The following PRIM2 variants were observed in gnomAD, a reference collection of about 807,000 sequenced individuals.
The protein encoded by PRIM2 is DNA primase large subunit.
Under a neutral mutation model 67.3 loss-of-function variants are expected in PRIM2, and 39 were observed. That is an observed-to-expected ratio of 0.58 (90% CI 0.45 to 0.76). The LOEUF is 0.76. PRIM2 is among the 30% of genes least tolerant of loss of function. PRIM2 has a pLI of 0.00. For missense variants in PRIM2, 398 were observed against 598.7 expected, an observed-to-expected ratio of 0.66 and a Z score of 3.50; for synonymous variants, 143 against 198.7, an observed-to-expected ratio of 0.72 and a Z score of 2.36.
chr6:57,589,391 A>C (rs1226158953), intron 10 of PRIM2, among the ~76,000 whole-genome samples: 2 of 152,060 alleles, frequency 1.3e-5, no homozygotes, highest in African/African-American at 4.8e-5. Context: ...CCTTTTGGTT[A>C]CAGGGAGGTG....
the PRIM2 span, among the ~76,000 whole-genome samples, chr6:57,296,491 T>C: frequency 6.6e-6 from 1 of 152,112 alleles, no homozygotes; most frequent in Non-Finnish European, 1.5e-5. Context: ...TCTTGTGATA[T>C]ATAAGCTATT....
chr6:57,280,165 C>T, the PRIM2 span, among the ~76,000 whole-genome samples: 3 of 152,036 alleles, frequency 2.0e-5, no homozygotes, highest in Non-Finnish European at 4.4e-5. Context: ...TATTTTTTCT[C>T]CTGTAAAATT....
chr6:57,543,025 G>A (rs1775203711), intron 10 of PRIM2, among the ~76,000 whole-genome samples: 4 of 136,276 alleles, frequency 2.9e-5, no homozygotes, highest in South Asian at 2.3e-4. Flanking sequence ...TGCAGGCTCC[G>A]CCCCCTGGGC....
intron 5 of PRIM2, 28 bp downstream of exon 5, chr6:57,326,073 A>G (rs761743252): frequency 6.2e-6 from 10 of 1,606,324 alleles, no homozygotes; most frequent in Non-Finnish European, 7.6e-6. Flanking sequence ...GTTATTTCTA[A>G]TTGTTCTCAC....
At chr6:57,264,968 G>C in the PRIM2 span, among the ~76,000 whole-genome samples, 1 of 152,138 alleles carries the variant, frequency 6.6e-6, no homozygotes, top group Non-Finnish European at 1.5e-5. Context: ...GATATCTAGA[G>C]AATTGGATTG....
intron 7 of PRIM2, among the ~76,000 whole-genome samples, chr6:57,462,895 GA>G (rs1378991939): frequency 6.6e-6 from 1 of 152,182 alleles, no homozygotes; most frequent in Non-Finnish European, 1.5e-5. Flanking sequence ...CTGCTTCGTA[GA>G]GAAGCTGAGA....
chr6:57,418,383 G>GGTTTT (rs1554336216), intron 7 of PRIM2, among the ~76,000 whole-genome samples: 1,638 of 47,246 alleles, frequency 0.035, 376 homozygotes, highest in Non-Finnish European at 0.057. Flanking sequence ...TATGTGTGTG[G>GGTTTT]TTTTTTTTTT....
chr6:57,398,949 G>A lies in PRIM2; in HGVS notation c.693+16781G>A, dbSNP rs552785960. Among the ~76,000 whole-genome samples the A allele has an allele frequency of 2.1e-4, 32 of 151,742 alleles. 1 individual carries two copies. The South Asian group carries it at 3.8e-3, about 18-fold the overall frequency. The stretch of plus-strand genomic sequence containing the variant: ...TTTTGTTTTGTTTGAATTCTGTTTT[G>A]TCTGAAATTGGGATTGCAACCCCTG... On this transcript the variant is annotated intron_variant, in intron 7 of 13. Transcript: ENST00000615550.
intron 7 of PRIM2, among the ~76,000 whole-genome samples, chr6:57,435,857 G>A (rs1275670305): frequency 3.3e-5 from 5 of 152,120 alleles, no homozygotes; most frequent in Non-Finnish European, 5.9e-5. Context: ...ATTTTAAAGG[G>A]TGTTTATTCT....
chr6:57,504,085 T>A (rs1184988374), intron 7 of PRIM2, among the ~76,000 whole-genome samples: 1 of 152,234 alleles, frequency 6.6e-6, no homozygotes, highest in Admixed American at 6.5e-5. Context: ...TGCCAGCAAC[T>A]AGTTGCTTGT....
At chr6:57,524,387 A>G (rs1398480161) in intron 8 of PRIM2, among the ~76,000 whole-genome samples, 2 of 152,208 alleles carry the variant, frequency 1.3e-5, no homozygotes, top group African/African-American at 4.8e-5. Flanking sequence ...ATGTAAGTTT[A>G]TTGAACAGAT....
At chr6:57,496,376 T>G (rs1774004649) in intron 7 of PRIM2, among the ~76,000 whole-genome samples, 1 of 152,156 alleles carries the variant, frequency 6.6e-6, no homozygotes, top group African/African-American at 2.4e-5. Flanking sequence ...GTTAAAGGAA[T>G]CATGGCCTAT....
At chr6:57,351,961 A>G (rs554142009) in intron 5 of PRIM2, among the ~76,000 whole-genome samples, 43 of 152,330 alleles carry the variant, frequency 2.8e-4, no homozygotes, top group Non-Finnish European at 4.1e-4. Flanking sequence ...GAGGAAAATT[A>G]TAGTATCTCC....
intron 5 of PRIM2, among the ~76,000 whole-genome samples, chr6:57,341,584 T>C (rs112217614): frequency 6.6e-6 from 1 of 152,350 alleles, no homozygotes; most frequent in East Asian, 1.9e-4. Context: ...TTCCATTTCA[T>C]TGTAGGCTTT....
intron 7 of PRIM2, among the ~76,000 whole-genome samples, chr6:57,384,036 T>C (rs1224158189): frequency 1.3e-5 from 2 of 152,230 alleles, no homozygotes; most frequent in Non-Finnish European, 2.9e-5. Flanking sequence ...TAGTATGGAC[T>C]TCAGACATAG....
the PRIM2 span, among the ~76,000 whole-genome samples, chr6:57,303,827 GT>G: frequency 6.6e-6 from 1 of 152,080 alleles, no homozygotes; most frequent in Non-Finnish European, 1.5e-5. Context: ...TAAAGATGGG[GT>G]TTCACCATGG....
chr6:57,354,417 T>G (rs916638289), intron 5 of PRIM2, among the ~76,000 whole-genome samples: 1 of 152,146 alleles, frequency 6.6e-6, no homozygotes, highest in Non-Finnish European at 1.5e-5. Flanking sequence ...CAAATGAAAT[T>G]GAGCTTAATT....
At chr6:57,518,312 C>T (rs1187048486) in intron 8 of PRIM2, among the ~76,000 whole-genome samples, 2 of 152,180 alleles carry the variant, frequency 1.3e-5, no homozygotes, top group East Asian at 1.9e-4. Flanking sequence ...TGAGGTGTGT[C>T]CTTAATCATC....
At chr6:57,417,612 T>G (rs1771310929) in intron 7 of PRIM2, among the ~76,000 whole-genome samples, 1 of 152,204 alleles carries the variant, frequency 6.6e-6, no homozygotes, top group African/African-American at 2.4e-5. Context: ...TATTTCCTGA[T>G]GAAGCTCATC....
Sources: gnomAD v4.1 joint callset for allele counts (sites outside exome capture counted in the v4.1 genomes callset) on GRCh38, gnomAD v4.1.1 for gene constraint, MANE v1.5 for transcripts, NCBI Gene and HGNC (gene_info 2026-07-23, HGNC 2026-07-21) for gene names.